COG4: variants seen among roughly 807,000 people sequenced by gnomAD.
COG4 encodes the protein conserved oligomeric Golgi complex subunit 4.
Under a neutral mutation model 95.1 loss-of-function variants are expected in COG4, and 65 were observed. The observed-to-expected ratio is 0.68, with a 90% confidence interval of 0.56 to 0.84. The LOEUF is 0.84. COG4 is among the 40% of genes least tolerant of loss of function. COG4 has a pLI of 0.00. For synonymous variants in COG4, 421 were observed against 374.8 expected (o/e 1.12, Z -1.42); for missense variants, 1,045 against 989.1 (o/e 1.06, Z -0.76).
At chr16:70,500,219 C>T (rs2151751248) in intron 9 of COG4, among the ~76,000 whole-genome samples, 1 of 152,184 alleles carries the variant, frequency 6.6e-6, no homozygotes, top group East Asian at 1.9e-4. Flanking sequence ...ATTCTCCTGC[C>T]TCAGCCTCCC....
chr16:70,490,445 C>G, intron 12 of COG4, 53 bp from the exon 13 acceptor site: 1 of 1,430,956 alleles, frequency 7.0e-7, no homozygotes, highest in Non-Finnish European at 9.9e-7. Flanking sequence ...GCCTGCCACC[C>G]ACTCCAATGC....
At position 70,482,809 on chromosome 16, in the gene COG4, C is replaced by T; in HGVS notation, c.1840G>A (p.Glu614Lys). The T allele has an allele frequency of 6.2e-7, 1 of 1,613,574 alleles. No individual in the cohort carries two copies. Among genetic ancestry groups the T allele is most frequent in the Non-Finnish European group, 8.5e-7 (1 of 1,179,736 alleles). The change falls in exon 15 of 19, where the codon GAG (glutamate) becomes AAG (lysine). Residue 614 changes from glutamate to lysine, a missense_variant. Physicochemically the swap from Glu to Lys is moderately conservative, Grantham distance 56 (BLOSUM62 1). Coordinates refer to ENST00000323786, the MANE Select transcript of COG4 (RefSeq NM_015386.3). ...GGCTTGATGGCTGTGCTGTTGAGCTCCGTCAGCCCTTCCTGCACAAGGACA... is the reference window on the plus strand; with the variant it reads ...GGCTTGATGGCTGTGCTGTTGAGCTTCGTCAGCCCTTCCTGCACAAGGACA... Reference protein sequence around the residue: ...FRDLLQEGLTELNSTAIKPQV... With the variant: ...FRDLLQEGLTKLNSTAIKPQV...
intron 3 of COG4, chr16:70,515,912 T>C: frequency 2.3e-6 from 1 of 439,368 alleles, no homozygotes; most frequent in East Asian, 7.0e-5. Flanking sequence ...CAAGAGATCC[T>C]ACTGCTTTGG....
At chr16:70,497,071 G>A in intron 11 of COG4, 150 bp downstream of exon 11, 1 of 812,712 alleles carries the variant, frequency 1.2e-6, no homozygotes, top group East Asian at 2.7e-5. Flanking sequence ...ACAGCTTCCT[G>A]GAGCCAAGGA....
intron 12 of COG4, among the ~76,000 whole-genome samples, chr16:70,495,825 A>G (rs941204037): frequency 2.0e-5 from 3 of 152,228 alleles, no homozygotes; most frequent in African/African-American, 4.8e-5. Context: ...TTCCAGAGGA[A>G]GTTGAAAGCC....
chr16:70,500,074 T>C (rs537286480), intron 9 of COG4, among the ~76,000 whole-genome samples: 4 of 151,960 alleles, frequency 2.6e-5, no homozygotes, highest in Non-Finnish European at 5.9e-5. Flanking sequence ...GGCTCAAGCA[T>C]CCTTCCTCCT....
chr16:70,518,984 A>C (rs1387575610), intron 2 of COG4, among the ~76,000 whole-genome samples: 1 of 152,216 alleles, frequency 6.6e-6, no homozygotes, highest in East Asian at 1.9e-4. Context: ...TCTCAAAAAA[A>C]AAAAAAAAGG....
At chr16:70,498,142 GTC>G (rs2049378613) in intron 9 of COG4, 87 bp from the exon 10 acceptor site, 2 of 796,774 alleles carry the variant, frequency 2.5e-6, no homozygotes, top group Non-Finnish European at 4.5e-6. Context: ...TTCCTTTATA[GTC>G]TTTCTTTGAA....
Position 70,495,392 on chromosome 16 carries a change from C to T in COG4, c.1647+874G>A, listed in dbSNP as rs1234402016. The stretch of plus-strand genomic sequence containing the variant: ...AGCCTGGGGAACAAGAGCAAGACTC[C>T]ATCTCAAAAAAAAAAAAAAAAGAAT... On this transcript the variant is annotated intron_variant, in intron 12 of 18. Transcript: ENST00000323786. Among the ~76,000 whole-genome samples the T allele has an allele frequency of 2.5e-5, 3 of 118,352 alleles. No individual in the cohort carries two copies. The Admixed American group carries it at 2.7e-4, about 11-fold the overall frequency. The allele number at this position is 118,352 out of a possible 152,430, so 77.6% of individuals were successfully genotyped here.
chr16:70,491,713 A>G (rs966432125), intron 12 of COG4, among the ~76,000 whole-genome samples: 1 of 148,484 alleles, frequency 6.7e-6, no homozygotes, highest in Non-Finnish European at 1.5e-5. Context: ...AATCCCAGCT[A>G]CTCGGGAGGC....
At chr16:70,484,019 A>C in intron 13 of COG4, 50 bp from the exon 14 acceptor site, 1 of 1,339,070 alleles carries the variant, frequency 7.5e-7, no homozygotes, top group Non-Finnish European at 1.1e-6. Flanking sequence ...GGGCCATGGG[A>C]GTGTGAGGAG....
intron 13 of COG4, among the ~76,000 whole-genome samples, chr16:70,485,789 T>C (rs897164947): frequency 6.6e-6 from 1 of 151,970 alleles, no homozygotes; most frequent in African/African-American, 2.4e-5. Context: ...TTCACCATGT[T>C]GGCCAGGCTG....
intron 12 of COG4, among the ~76,000 whole-genome samples, chr16:70,491,515 T>C: frequency 1.4e-5 from 1 of 71,174 alleles, no homozygotes; most frequent in African/African-American, 7.6e-5. Flanking sequence ...AGCAAGACTC[T>C]GTCTCAAAAA....
At chr16:70,498,678 T>C (rs990433353) in intron 9 of COG4, among the ~76,000 whole-genome samples, 3 of 152,220 alleles carry the variant, frequency 2.0e-5, no homozygotes, top group African/African-American at 7.2e-5. Flanking sequence ...AACCACTCTA[T>C]TTTTAGACAC....
intron 4 of COG4, among the ~76,000 whole-genome samples, chr16:70,513,921 T>G (rs2049765054): frequency 6.6e-6 from 1 of 152,020 alleles, no homozygotes; most frequent in Non-Finnish European, 1.5e-5. Context: ...ACAAGAAAAC[T>G]TCCTGGCTGG....
At chr16:70,481,193 A>G (rs898111950) in intron 18 of COG4, 49 bp from the exon 19 acceptor site, 4 of 1,612,572 alleles carry the variant, frequency 2.5e-6, no homozygotes, top group Non-Finnish European at 3.4e-6. Context: ...GTTATTCTGA[A>G]AGAGGGCTCT....
intron 4 of COG4, among the ~76,000 whole-genome samples, chr16:70,512,962 T>A (rs1163629051): frequency 6.6e-6 from 1 of 151,878 alleles, no homozygotes. Context: ...GGCAAAAGAG[T>A]GAGACTCCGT....
Position 70,490,396 on chromosome 16 carries a change from G to A in COG4, c.1648-4C>T. 1 of 1,613,294 alleles carries A rather than the reference G, an allele frequency of 6.2e-7. No individual in the cohort carries two copies. The highest frequency in any genetic ancestry group is 8.5e-7 in the Non-Finnish European group (1 of 1,179,338). On this transcript the variant is annotated splice_region_variant and splice_polypyrimidine_tract_variant and intron_variant, in intron 12 of 18. Transcript: ENST00000323786. The stretch of plus-strand genomic sequence containing the variant: ...CTTCCACGTTGTTCAGAGTCACCTG[G>A]GAGATGAGGAAGGAAGAACGTGACT...
chr16:70,509,088 A>T (rs1386138858), intron 7 of COG4, 143 bp downstream of exon 7: 10 of 1,022,530 alleles, frequency 9.8e-6, no homozygotes, highest in Non-Finnish European at 1.2e-5. Context: ...TCAATGGGCA[A>T]GATGCAGGCC....
Sources: allele counts gnomAD v4.1 joint callset (sites outside exome capture counted in the v4.1 genomes callset), GRCh38; gene constraint gnomAD v4.1.1; transcripts MANE v1.5; gene names NCBI Gene and HGNC (gene_info 2026-07-23, HGNC 2026-07-21).